CALN1: variants seen among roughly 807,000 people sequenced by gnomAD.
The protein encoded by CALN1 is calcium-binding protein 8.
Under a neutral mutation model 30.6 loss-of-function variants are expected in CALN1, and 17 were observed. The ratio of observed to expected loss-of-function variants is 0.56; its 90% CI spans 0.38 to 0.83. CALN1 has a LOEUF of 0.83. Among genes scored for constraint, CALN1 ranks in the 40% least tolerant of loss-of-function variants. The pLI is 0.00. For synonymous variants in CALN1, 156 were observed against 131.4 expected, an observed-to-expected ratio of 1.19 and a Z score of -1.28; for missense variants, 291 against 354.9, an observed-to-expected ratio of 0.82 and a Z score of 1.45.
intron 5 of CALN1, among the ~76,000 whole-genome samples, chr7:71,829,797 C>T (rs1461815255): frequency 6.6e-6 from 1 of 152,110 alleles, no homozygotes; most frequent in Non-Finnish European, 1.5e-5. Flanking sequence ...ACAAACAGGG[C>T]AAAGGAAAAA....
chr7:72,324,431 C>T (rs1436275891), intron 2 of CALN1, among the ~76,000 whole-genome samples: 2 of 152,028 alleles, frequency 1.3e-5, no homozygotes, highest in Non-Finnish European at 2.9e-5. Context: ...CCCAATCATA[C>T]CTGCCTCTTG....
At chr7:72,460,353 C>T in the CALN1 span, among the ~76,000 whole-genome samples, 1 of 152,102 alleles carries the variant, frequency 6.6e-6, no homozygotes, top group Non-Finnish European at 1.5e-5. Flanking sequence ...AGTCCTTGGC[C>T]GGGTGTGGTG....
intron 3 of CALN1, among the ~76,000 whole-genome samples, chr7:72,148,430 G>T (rs949983012): frequency 1.7e-5 from 2 of 114,878 alleles, no homozygotes; most frequent in Admixed American, 1.7e-4. Context: ...AGAAAAAAAA[G>T]AAAAAAGAAA....
the CALN1 span, among the ~76,000 whole-genome samples, chr7:72,501,370 TAAAAAAAAAAAAAAAAA>T: frequency 2.3e-5 from 1 of 42,798 alleles, no homozygotes; most frequent in Non-Finnish European, 3.9e-5. Context: ...ACGTCTCTAT[TAAAAAAAAAAAAAAAAA>T]AAAAAAAAAA....
intron 5 of CALN1, among the ~76,000 whole-genome samples, chr7:71,874,251 G>A (rs1332541955): frequency 1.4e-5 from 2 of 146,556 alleles, no homozygotes; most frequent in East Asian, 4.0e-4. Context: ...CTCCAGCCTG[G>A]GTGACAGCGA....
intron 4 of CALN1, among the ~76,000 whole-genome samples, chr7:72,047,259 T>G: frequency 6.6e-6 from 1 of 152,084 alleles, no homozygotes; most frequent in East Asian, 1.9e-4. Flanking sequence ...ACAAAGAAGA[T>G]TTGTCCACAA....
chr7:71,895,042 C>G (rs1367292942), intron 5 of CALN1, among the ~76,000 whole-genome samples: 3 of 151,888 alleles, frequency 2.0e-5, no homozygotes, highest in Admixed American at 1.3e-4. Flanking sequence ...GCAACCTCTG[C>G]CTCCTGGGCT....
Position 72,387,777 on chromosome 7 carries a change from T to C in CALN1, c.119+15474A>G, listed in dbSNP as rs566098966. 2.0e-4 allele frequency among the ~76,000 whole-genome samples: 31 copies of C among 152,176 alleles called. No homozygotes were observed. In the South Asian group the frequency reaches 6.0e-3, roughly 30 times the overall value. On this transcript the variant is annotated intron_variant, in intron 2 of 6. Coordinates refer to ENST00000395275, the MANE Select transcript of CALN1 (RefSeq NM_031468.4). ...GGAGACAGGACAAGTAAATGCACCATTGCCAGGCACAGAAGGACAAACACC... is the reference window on the plus strand; with the variant it reads ...GGAGACAGGACAAGTAAATGCACCACTGCCAGGCACAGAAGGACAAACACC...
chr7:71,846,716 T>TAG (rs1184042171), intron 5 of CALN1, among the ~76,000 whole-genome samples: 1 of 150,064 alleles, frequency 6.7e-6, no homozygotes, highest in Non-Finnish European at 1.5e-5. Context: ...TATATATATA[T>TAG]AGCCTACTAG....
At chr7:72,441,135 A>T (rs1808330706) in intron 1 of CALN1, among the ~76,000 whole-genome samples, 1 of 152,168 alleles carries the variant, frequency 6.6e-6, no homozygotes, top group Admixed American at 6.6e-5. Flanking sequence ...CAGTTGTTTG[A>T]TGAATGCCGA....
At chr7:72,012,751 T>C (rs1412323675) in intron 5 of CALN1, among the ~76,000 whole-genome samples, 1 of 152,150 alleles carries the variant, frequency 6.6e-6, no homozygotes, top group Non-Finnish European at 1.5e-5. Flanking sequence ...GTTCTTTTCC[T>C]CCTGGCAGCT....
chr7:71,928,188 G>C (rs1280639797), intron 5 of CALN1, among the ~76,000 whole-genome samples: 3 of 152,122 alleles, frequency 2.0e-5, no homozygotes, highest in African/African-American at 7.2e-5. Flanking sequence ...GAGGTCCATG[G>C]AGAATACCCT....
Position 72,403,339 on chromosome 7 carries a change from T to C in CALN1, c.31A>G (p.Lys11Glu). The change falls in exon 2 of 7, where the codon AAG (lysine) becomes GAG (glutamate). Residue 11 changes from lysine (K) to glutamate (E), a missense_variant. Lys to Glu is a moderately conservative substitution (Grantham distance 56). Around this residue, in one of 2 missense-constraint regions of CALN1, gnomAD observed 122 missense variants for 103.2 expected, o/e 1.18. Coordinates refer to ENST00000395275, the MANE Select transcript of CALN1 (RefSeq NM_031468.4). MRLPEQPGEGKPENEKKGDGG... is the reference protein window; with the variant it reads MRLPEQPGEGEPENEKKGDGG... ...TCCCCCTTTTTCTCATTCTCGGGCTTCCCCTCTCCGGGTTGCTCTGGCAGC... is the reference window on the plus strand; with the variant it reads ...TCCCCCTTTTTCTCATTCTCGGGCTCCCCCTCTCCGGGTTGCTCTGGCAGC... The C allele has an allele frequency of 1.3e-6, 2 of 1,549,102 alleles. No homozygotes were observed. Among genetic ancestry groups the C allele is most frequent in the Non-Finnish European group, 1.7e-6 (2 of 1,146,944 alleles).
At chr7:72,219,802 TAGG>T (rs1033816254) in intron 3 of CALN1, among the ~76,000 whole-genome samples, 44 of 152,092 alleles carry the variant, frequency 2.9e-4, no homozygotes, top group African/African-American at 1.0e-3. Flanking sequence ...CCTATGCAAA[TAGG>T]AGACATTTCA....
chr7:71,959,831 TTTTTTAAAAA>T (rs1374902438), intron 5 of CALN1, among the ~76,000 whole-genome samples: 5 of 152,204 alleles, frequency 3.3e-5, no homozygotes, highest in South Asian at 2.1e-4. Flanking sequence ...AGTTGTATTC[TTTTTTAAAAA>T]TGCATATTTA....
chr7:72,268,455 A>G (rs964016522), intron 3 of CALN1, among the ~76,000 whole-genome samples: 5 of 152,212 alleles, frequency 3.3e-5, no homozygotes, highest in African/African-American at 4.8e-5. Flanking sequence ...CAAAATGTTA[A>G]AAGTGCTATA....
At chr7:72,106,044 T>C in intron 4 of CALN1, 107 bp downstream of exon 4, 1 of 1,420,404 alleles carries the variant, frequency 7.0e-7, no homozygotes, top group Non-Finnish European at 9.4e-7. Flanking sequence ...TTCTCAAATG[T>C]AAACCAAGTC....
the CALN1 span, among the ~76,000 whole-genome samples, chr7:72,463,979 GGGAA>G: frequency 9.2e-6 from 1 of 108,328 alleles, no homozygotes; most frequent in African/African-American, 5.5e-5. Context: ...AAGGAAGGAA[GGGAA>G]GGAGGGAGGG....
At chr7:71,827,923 C>T (rs576206916) in intron 5 of CALN1, among the ~76,000 whole-genome samples, 3 of 151,984 alleles carry the variant, frequency 2.0e-5, no homozygotes, top group African/African-American at 7.2e-5. Context: ...GGTACAGGGA[C>T]CAGCAAGAGC....
Sources: gnomAD v4.1 joint callset for allele counts (sites outside exome capture counted in the v4.1 genomes callset) on GRCh38, gnomAD v4.1.1 for gene constraint, gnomAD v4.1.1 regional missense constraint, MANE v1.5 for transcripts, NCBI Gene and HGNC (gene_info 2026-07-23, HGNC 2026-07-21) for gene names.